STAT5B: variants seen among roughly 807,000 people sequenced by gnomAD.
STAT5B encodes transcription factor STAT5B.
STAT5B carries 21 observed loss-of-function variants against 107.8 expected under a neutral mutation model. The ratio of observed to expected loss-of-function variants is 0.19; its 90% confidence interval spans 0.14 to 0.28. The LOEUF (loss-of-function observed/expected upper bound fraction) is 0.28, where lower values mean the gene tolerates loss of function less well. Ranked by LOEUF, STAT5B falls within the 10% of genes least tolerant of loss-of-function variation. The probability of loss-of-function intolerance (pLI) is 1.00; values close to 1 mark genes in which losing one functional copy is unlikely to be tolerated. For missense variants in STAT5B, 565 were observed against 1,008.2 expected, an observed-to-expected ratio of 0.56 and a Z score of 5.95; for synonymous variants, 325 against 401.7, an observed-to-expected ratio of 0.81 and a Z score of 2.28.
intron 1 of STAT5B, among the ~76,000 whole-genome samples, chr17:42,245,067 T>C (rs983563110): frequency 2.8e-5 from 4 of 141,190 alleles, no homozygotes; most frequent in Non-Finnish European, 6.1e-5. Flanking sequence ...CACCAATGCC[T>C]GGCTAATTTT....
chr17:42,236,466 G>A (rs904763009), intron 1 of STAT5B, among the ~76,000 whole-genome samples: 1 of 152,190 alleles, frequency 6.6e-6, no homozygotes, highest in African/African-American at 2.4e-5. Flanking sequence ...TTTTGAGACG[G>A]AGTCTCACTC....
chr17:42,236,580 T>G (rs2080358045), intron 1 of STAT5B, among the ~76,000 whole-genome samples: 3 of 152,286 alleles, frequency 2.0e-5, no homozygotes, highest in African/African-American at 7.2e-5. Flanking sequence ...TACCTGGGAC[T>G]ACAGGCACTC....
intron 2 of STAT5B, 51 bp from the exon 3 acceptor site, chr17:42,227,736 T>C (rs781228388): frequency 6.3e-7 from 1 of 1,590,380 alleles, no homozygotes; most frequent in Non-Finnish European, 8.6e-7. Flanking sequence ...CGTGAGCCTG[T>C]ATAAATACAG....
intron 1 of STAT5B, among the ~76,000 whole-genome samples, chr17:42,236,739 TAAG>T (rs2080359746): frequency 6.6e-6 from 1 of 152,112 alleles, no homozygotes; most frequent in Non-Finnish European, 1.5e-5. Context: ...GCCTGGCAGT[TAAG>T]TAGTATTTTT....
Position 42,227,421 on chromosome 17 carries a change from T to C in STAT5B, c.285+108A>G, listed in dbSNP as rs1375456948. The stretch of plus-strand genomic sequence containing the variant: ...CCAAAACCACACAACAAGAACCTTA[T>C]GCACGTGTAACTCAACAATGCTGGA... On this transcript the variant is annotated intron_variant, in intron 3 of 18. Coordinates refer to ENST00000293328, the MANE Select transcript of STAT5B (RefSeq NM_012448.4). 4 of 1,466,106 alleles carry C rather than the reference T, an allele frequency of 2.7e-6. No individual in the cohort carries two copies. The East Asian group carries it at 6.9e-5, about 25-fold the overall frequency. The allele number at this position is 1,466,106 out of a possible 1,614,324, so 90.8% of individuals were successfully genotyped here.
intron 15 of STAT5B, 87 bp from the exon 16 acceptor site, chr17:42,207,815 T>C: frequency 6.9e-7 from 1 of 1,439,804 alleles, no homozygotes; most frequent in Non-Finnish European, 9.6e-7. Flanking sequence ...AAATTCAAGC[T>C]TGCCATTATA....
chr17:42,222,407 A>G (rs1192375775), intron 5 of STAT5B, among the ~76,000 whole-genome samples: 2 of 152,166 alleles, frequency 1.3e-5, no homozygotes, highest in Non-Finnish European at 2.9e-5. Context: ...ATACCAGGCT[A>G]GGGAAGCTCT....
At position 42,202,462 on chromosome 17, in the gene STAT5B, G is replaced by A; in HGVS notation, c.2130-15C>T. ...CGTTCACAAACCTGCAGAAGGAAGA[G>A]AACAGAGCTTCAGCTGCCAGGGAGG... is the stretch of plus-strand genomic sequence containing the variant. On this transcript the variant is annotated splice_polypyrimidine_tract_variant and intron_variant, in intron 17 of 18. Transcript: ENST00000293328. The A allele has an allele frequency of 6.2e-7, 1 of 1,613,420 alleles. No individual in the cohort carries two copies. Among genetic ancestry groups the A allele is most frequent in the East Asian group, 2.2e-5 (1 of 44,880 alleles).
chr17:42,222,730 G>A (rs977044063), intron 5 of STAT5B, among the ~76,000 whole-genome samples: 2 of 149,096 alleles, frequency 1.3e-5, no homozygotes, highest in African/African-American at 5.0e-5. Context: ...TGTCCAGGCT[G>A]GAGTGCAATG....
At chr17:42,216,137 C>T (rs756118189) in intron 11 of STAT5B, 31 bp from the exon 12 acceptor site, 2 of 1,588,070 alleles carry the variant, frequency 1.3e-6, no homozygotes, top group South Asian at 1.1e-5. Context: ...GCTGAGCGCC[C>T]ACGAGCCTCA....
chr17:42,223,122 A>C (rs2080244253), intron 5 of STAT5B, among the ~76,000 whole-genome samples: 1 of 152,154 alleles, frequency 6.6e-6, no homozygotes. Context: ...CAAAAGAAGA[A>C]ATGTCTTCCC....
chr17:42,266,823 T>G (rs1177434428), intron 1 of STAT5B, among the ~76,000 whole-genome samples: 2 of 152,208 alleles, frequency 1.3e-5, no homozygotes, highest in Non-Finnish European at 2.9e-5. Context: ...TATTTTCTAT[T>G]TTGTTTTGAT....
chr17:42,210,046 T>C, intron 15 of STAT5B, 125 bp downstream of exon 15: 3 of 1,415,582 alleles, frequency 2.1e-6, no homozygotes, highest in East Asian at 4.8e-5. Flanking sequence ...GTCATGGCTA[T>C]ACATTTATGT....
At chr17:42,214,214 CTTATT>C (rs2080153007) in intron 12 of STAT5B, 14 of 984,520 alleles carry the variant, frequency 1.4e-5, no homozygotes, top group Non-Finnish European at 1.7e-5. Context: ...GTTAAAAATG[CTTATT>C]TATTTAGACA....
chr17:42,277,713 G>A (rs898503826), upstream of STAT5B, among the ~76,000 whole-genome samples: 4 of 151,766 alleles, frequency 2.6e-5, no homozygotes, highest in East Asian at 7.7e-4. Context: ...ACACTCAGGT[G>A]CTCCATGTTC....
At chr17:42,275,163 T>C (rs186364660) in intron 1 of STAT5B, 3 of 152,342 alleles carry the variant, frequency 2.0e-5, no homozygotes, top group African/African-American at 7.2e-5. Context: ...TCCACCTATC[T>C]GGGCCTCAGT....
At chr17:42,205,162 G>C (rs542663831) in intron 16 of STAT5B, among the ~76,000 whole-genome samples, 25 of 152,096 alleles carry the variant, frequency 1.6e-4, no homozygotes, top group South Asian at 1.5e-3. Flanking sequence ...TGAGTAGGTG[G>C]GATTACAGGT....
chr17:42,214,681 T>C, intron 12 of STAT5B: 1 of 957,594 alleles, frequency 1.0e-6, no homozygotes, highest in South Asian at 4.8e-5. Flanking sequence ...TCCCAAATGA[T>C]AACCCTTTTA....
the STAT5B span, among the ~76,000 whole-genome samples, chr17:42,286,159 G>C: frequency 6.6e-6 from 1 of 151,444 alleles, no homozygotes; most frequent in Non-Finnish European, 1.5e-5. Flanking sequence ...CTTGAACCTT[G>C]GAGGTGGAGG....
Sources: gnomAD v4.1 joint callset for allele counts (sites outside exome capture counted in the v4.1 genomes callset) on GRCh38, gnomAD v4.1.1 for gene constraint, MANE v1.5 for transcripts, NCBI Gene and HGNC (gene_info 2026-07-23, HGNC 2026-07-21) for gene names.